Variants in ESR1 observed in about 807,000 individuals in gnomAD.
ESR1 encodes estrogen receptor 1.
ESR1 carries 12 observed loss-of-function variants against 52.7 expected under a neutral mutation model. That is an observed-to-expected ratio of 0.23 (90% CI 0.15 to 0.37). The LOEUF (loss-of-function observed/expected upper bound fraction) is 0.37, where lower values mean the gene tolerates loss of function less well. Among genes scored for constraint, ESR1 ranks in the 10% least tolerant of loss-of-function variants. The pLI, the probability that ESR1 is intolerant of heterozygous loss-of-function variation, is 1.00. For synonymous variants in ESR1, 305 were observed against 316.8 expected, an observed-to-expected ratio of 0.96 and a Z score of 0.39; for missense variants, 584 against 779.7, an observed-to-expected ratio of 0.75 and a Z score of 2.99.
chr6:151,876,715 T>C (rs1050994520), intron 2 of ESR1, among the ~76,000 whole-genome samples: 2 of 152,186 alleles, frequency 1.3e-5, no homozygotes, highest in Non-Finnish European at 2.9e-5. Flanking sequence ...CTCTCCCCGC[T>C]TCCTGTCTTT....
chr6:151,803,658 G>A (rs1777490834), upstream of ESR1, among the ~76,000 whole-genome samples: 1 of 152,154 alleles, frequency 6.6e-6, no homozygotes, highest in Non-Finnish European at 1.5e-5. Flanking sequence ...GGGAGGAAAG[G>A]GCAGAGTGGT....
At chr6:151,847,205 C>T (rs1308681842) in intron 2 of ESR1, among the ~76,000 whole-genome samples, 1 of 152,188 alleles carries the variant, frequency 6.6e-6, no homozygotes. Context: ...ACAGGTATAA[C>T]TGAGAGCCTG....
At chr6:151,723,021 T>C (rs1268911209) in intron 2 of ESR1, among the ~76,000 whole-genome samples, 1 of 152,198 alleles carries the variant, frequency 6.6e-6, no homozygotes, top group Non-Finnish European at 1.5e-5. Flanking sequence ...GCACTGAGCA[T>C]ATGGAATTAT....
intron 5 of ESR1, among the ~76,000 whole-genome samples, chr6:152,060,730 T>C (rs1302835394): frequency 6.6e-6 from 1 of 152,236 alleles, no homozygotes; most frequent in Non-Finnish European, 1.5e-5. Context: ...ATATTTAACA[T>C]GGCAGACTTG....
intron 1 of ESR1, among the ~76,000 whole-genome samples, chr6:151,838,430 G>A (rs1783740304): frequency 6.6e-6 from 1 of 152,140 alleles, no homozygotes; most frequent in Non-Finnish European, 1.5e-5. Flanking sequence ...ATTGGTGCCT[G>A]ACCCACCCTT....
At chr6:151,779,310 T>C (rs1451678668) in intron 2 of ESR1, among the ~76,000 whole-genome samples, 1 of 152,214 alleles carries the variant, frequency 6.6e-6, no homozygotes, top group African/African-American at 2.4e-5. Context: ...TTTCTGCATA[T>C]GGCTAGCCAG....
chr6:152,126,444 G>T (rs573211538), exon 7 of ESR1: 31 of 152,294 alleles, frequency 2.0e-4, no homozygotes, highest in African/African-American at 7.5e-4. Flanking sequence ...AAGGCAACTT[G>T]TTGACTACCC....
intron 2 of ESR1, among the ~76,000 whole-genome samples, chr6:151,777,836 T>C (rs910331331): frequency 6.6e-6 from 1 of 152,066 alleles, no homozygotes; most frequent in African/African-American, 2.4e-5. Flanking sequence ...GGTGCATGCC[T>C]GTAACCCCAG....
intron 1 of ESR1, among the ~76,000 whole-genome samples, chr6:151,701,615 C>T (rs996160503): frequency 2.0e-5 from 3 of 150,912 alleles, no homozygotes; most frequent in Non-Finnish European, 2.9e-5. Context: ...ATGGCCTGTG[C>T]GTGAATGAAG....
intron 2 of ESR1, among the ~76,000 whole-genome samples, chr6:151,792,810 C>T (rs374922451): frequency 6.6e-6 from 1 of 152,296 alleles, no homozygotes; most frequent in Non-Finnish European, 1.5e-5. Flanking sequence ...ACACATTGTA[C>T]AGCTGTACAA....
chr6:151,777,651 A>G (rs910298674), intron 2 of ESR1, among the ~76,000 whole-genome samples: 1 of 152,108 alleles, frequency 6.6e-6, no homozygotes, highest in African/African-American at 2.4e-5. Flanking sequence ...GAAGTGGGTG[A>G]CCATGGGTGA....
At chr6:152,022,977 CA>C (rs552229617) in intron 5 of ESR1, among the ~76,000 whole-genome samples, 15,061 of 116,624 alleles carry the variant, frequency 0.13, 1,703 homozygotes, top group African/African-American at 0.34. Context: ...AACTCTGTCT[CA>C]AAAAAAAAAA....
intron 4 of ESR1, among the ~76,000 whole-genome samples, chr6:151,975,956 C>G (rs1445531957): frequency 6.6e-6 from 1 of 152,100 alleles, no homozygotes; most frequent in Non-Finnish European, 1.5e-5. Context: ...TGTGAAATAC[C>G]TGCAGTGTAC....
exon 7 of ESR1, chr6:152,128,170 TAAGTCAAACGTAGGGAAA>T (rs2152631975): frequency 6.6e-6 from 1 of 152,342 alleles, no homozygotes; most frequent in South Asian, 2.1e-4. Flanking sequence ...TAGAAAATTT[TAAGTCAAACGTAGGGAAA>T]AAGTACCAGC....
chr6:151,672,098 G>T lies in ESR1; in HGVS notation n.73+15335G>T, dbSNP rs181438930. Among the ~76,000 whole-genome samples the T allele has an allele frequency of 1.7e-3, 264 of 151,830 alleles. 6 individuals are homozygous for T. The South Asian group carries it at 0.02, about 12-fold the overall frequency. ...TCCTCCCACCTCGGCCTCCCAAAGC[G>T]CTGGGATTGCAGGCGTGAGCCACTG... On this transcript the variant is annotated intron_variant and non_coding_transcript_variant, in intron 1 of 2. Transcript: ENST00000473497.
chr6:151,905,231 G>A (rs149751686), intron 3 of ESR1, among the ~76,000 whole-genome samples: 2 of 152,280 alleles, frequency 1.3e-5, no homozygotes, highest in East Asian at 3.9e-4. Context: ...CTAGGAAGGA[G>A]GTGCGAGTGA....
intron 2 of ESR1, among the ~76,000 whole-genome samples, chr6:151,734,440 T>C (rs1782484381): frequency 6.6e-6 from 1 of 152,052 alleles, no homozygotes; most frequent in Non-Finnish European, 1.5e-5. Flanking sequence ...CTATAAAATA[T>C]GGTTATGAGT....
At chr6:151,933,807 A>G (rs2034013221) in intron 3 of ESR1, among the ~76,000 whole-genome samples, 1 of 152,110 alleles carries the variant, frequency 6.6e-6, no homozygotes, top group Admixed American at 6.5e-5. Flanking sequence ...AGCATGTCTT[A>G]TTGGCTTTAC....
intron 2 of ESR1, among the ~76,000 whole-genome samples, chr6:151,799,208 A>G (rs1273107933): frequency 6.6e-6 from 1 of 152,214 alleles, no homozygotes; most frequent in Non-Finnish European, 1.5e-5. Context: ...AAGTTTGGAG[A>G]CACAGATTCT....
Sources: allele counts gnomAD v4.1 joint callset (sites outside exome capture counted in the v4.1 genomes callset), GRCh38; gene constraint gnomAD v4.1.1; transcripts MANE v1.5; gene names NCBI Gene and HGNC (gene_info 2026-07-23, HGNC 2026-07-21).